BANP: variants seen among roughly 807,000 people sequenced by gnomAD.
BANP encodes the protein protein BANP.
BANP carries 11 observed loss-of-function variants against 68.1 expected under a neutral mutation model. That is an observed-to-expected ratio of 0.16 (90% CI 0.10 to 0.27). The LOEUF (loss-of-function observed/expected upper bound fraction) is 0.27. BANP is among the 10% of genes least tolerant of loss of function. The probability of loss-of-function intolerance (pLI) is 1.00; values close to 1 mark genes in which losing one functional copy is unlikely to be tolerated. For missense variants in BANP, 504 were observed against 722.7 expected (o/e 0.70, Z 3.47); for synonymous variants, 329 against 303.2 (o/e 1.09, Z -0.88).
chr16:87,960,320 T>C (rs1229352792), intron 1 of BANP, among the ~76,000 whole-genome samples: 2 of 152,152 alleles, frequency 1.3e-5, no homozygotes, highest in African/African-American at 2.4e-5. Flanking sequence ...GATGGCTTGC[T>C]TGGGATTCAG....
chr16:88,054,005 C>T (rs1336351378), intron 11 of BANP, among the ~76,000 whole-genome samples: 23 of 94,314 alleles, frequency 2.4e-4, no homozygotes, highest in South Asian at 1.9e-3. Context: ...ACCAACACAA[C>T]CACCTTTACC....
intron 1 of BANP, chr16:87,952,045 C>G (rs891180013): frequency 2.6e-5 from 4 of 152,182 alleles, no homozygotes; most frequent in Admixed American, 2.0e-4. Flanking sequence ...GACCGCAGAC[C>G]TCGGCGACGA....
chr16:88,027,135 G>A (rs1031125051), intron 7 of BANP, among the ~76,000 whole-genome samples: 4 of 152,264 alleles, frequency 2.6e-5, no homozygotes, highest in African/African-American at 9.6e-5. Flanking sequence ...TGAGCTCAGG[G>A]CAGAGGGAAG....
intron 6 of BANP, among the ~76,000 whole-genome samples, chr16:88,010,773 A>G (rs993220103): frequency 5.3e-5 from 8 of 151,168 alleles, no homozygotes; most frequent in African/African-American, 1.7e-4. Flanking sequence ...TAGCCACGCT[A>G]TGCTGTGCCG....
intron 2 of BANP, among the ~76,000 whole-genome samples, chr16:87,976,019 G>A (rs927804193): frequency 3.9e-5 from 6 of 152,232 alleles, no homozygotes; most frequent in African/African-American, 1.4e-4. Flanking sequence ...ACCATGTTGT[G>A]TGTGTAAGTC....
chr16:87,977,888 T>C (rs1415759415), intron 2 of BANP, among the ~76,000 whole-genome samples: 1 of 152,142 alleles, frequency 6.6e-6, no homozygotes, highest in Non-Finnish European at 1.5e-5. Context: ...CAGGCTGGAG[T>C]GCAGTGGCGT....
chr16:87,952,758 C>G (rs1341200154), intron 1 of BANP: 1 of 152,172 alleles, frequency 6.6e-6, no homozygotes, highest in Non-Finnish European at 1.5e-5. Flanking sequence ...ATGTTGGATT[C>G]TGTCATCATT....
intron 7 of BANP, 30 bp from the exon 8 acceptor site, chr16:88,027,453 C>T (rs753268647): frequency 6.2e-7 from 1 of 1,611,990 alleles, no homozygotes; most frequent in South Asian, 1.1e-5. Context: ...GAACAGGCCT[C>T]ACCGCTTCTC....
intron 4 of BANP, among the ~76,000 whole-genome samples, chr16:87,986,365 G>T (rs1480051037): frequency 2.0e-5 from 3 of 152,242 alleles, no homozygotes; most frequent in Non-Finnish European, 4.4e-5. Flanking sequence ...CGCTGACAAT[G>T]TGTGATGGGG....
chr16:88,037,864 T>C, intron 10 of BANP, 109 bp from the exon 11 acceptor site: 1 of 1,122,290 alleles, frequency 8.9e-7, no homozygotes, highest in Non-Finnish European at 1.4e-6. Flanking sequence ...AACTGGGGTT[T>C]TCTTGTTATT....
At chr16:88,032,993 A>G in intron 8 of BANP, 116 bp from the exon 9 acceptor site, 1 of 1,181,656 alleles carries the variant, frequency 8.5e-7, no homozygotes, top group East Asian at 2.6e-5. Flanking sequence ...AAAATGAAGC[A>G]TTTCCTCTTC....
intron 1 of BANP, chr16:87,963,449 AGAC>A (rs2059532421): frequency 6.6e-6 from 1 of 152,242 alleles, no homozygotes; most frequent in Admixed American, 6.5e-5. Context: ...GCATCTTTTT[AGAC>A]TGGCCGCTCT....
At chr16:87,961,362 C>G (rs1043674311) in intron 1 of BANP, among the ~76,000 whole-genome samples, 2 of 149,446 alleles carry the variant, frequency 1.3e-5, no homozygotes, top group Non-Finnish European at 3.0e-5. Flanking sequence ...CAGGGTTTTG[C>G]TGTGTTGCCC....
chr16:87,953,192 TA>T (rs59705558), intron 1 of BANP, among the ~76,000 whole-genome samples: 74 of 147,822 alleles, frequency 5.0e-4, no homozygotes, highest in African/African-American at 1.5e-3. Flanking sequence ...CCTATGTTCT[TA>T]AAAAAAAAAG....
At chr16:87,992,367 G>A (rs747241248) in intron 4 of BANP, among the ~76,000 whole-genome samples, 4 of 152,272 alleles carry the variant, frequency 2.6e-5, no homozygotes, top group Non-Finnish European at 5.9e-5. Flanking sequence ...CCTCAGCAAC[G>A]GAGCTGGGAG....
At chr16:88,038,409 C>T (rs1310108905) in intron 11 of BANP, among the ~76,000 whole-genome samples, 3 of 152,180 alleles carry the variant, frequency 2.0e-5, no homozygotes, top group Non-Finnish European at 4.4e-5. Flanking sequence ...TTGGGGGTTA[C>T]ATTTGCTGCT....
chr16:87,967,269 T>G (rs1230276297), intron 1 of BANP, among the ~76,000 whole-genome samples: 2 of 146,566 alleles, frequency 1.4e-5, no homozygotes, highest in African/African-American at 5.1e-5. Context: ...TTTTTTTTTT[T>G]TTTTTTTTTT....
chr16:88,031,056 C>T (rs2078063729), intron 8 of BANP, among the ~76,000 whole-genome samples: 1 of 152,212 alleles, frequency 6.6e-6, no homozygotes, highest in African/African-American at 2.4e-5. Flanking sequence ...GGGATTTTGT[C>T]ATTTTCTTCC....
Position 88,076,649 on chromosome 16 carries a change from C to G in BANP, c.1581C>G (p.Ile527Met), listed in dbSNP as rs761235302. ...AGATGCAGCTCGAGCACGGGGCCAT[C>G]CAGATTCAGTGAGCGGTGCCCATGG... ...QPEMQLEHGAIQIQ is the reference protein window; with the variant it reads ...QPEMQLEHGAMQIQ The change falls in exon 14 of 14, where the codon ATC becomes ATG. Residue 527 changes from isoleucine to methionine, a missense_variant. Physicochemically the swap from Ile to Met is conservative, Grantham distance 10. This residue lies in a region of BANP where 223 missense variants were observed against 246.2 expected (regional missense o/e 0.91). Coordinates refer to ENST00000682872, the MANE Select transcript of BANP (RefSeq NM_001386991.1). 56 of 1,609,288 alleles carry G rather than the reference C, an allele frequency of 3.5e-5. No individual in the cohort carries two copies. Among genetic ancestry groups the G allele is most frequent in the Middle Eastern group, 1.7e-4 (1 of 6,032 alleles).
Sources: allele counts gnomAD v4.1 joint callset (sites outside exome capture counted in the v4.1 genomes callset), GRCh38; gene constraint gnomAD v4.1.1; regional missense constraint gnomAD v4.1.1; transcripts MANE v1.5; gene names NCBI Gene and HGNC (gene_info 2026-07-23, HGNC 2026-07-21).